The following PRKN variants were observed in gnomAD, a reference collection of about 807,000 sequenced individuals.
PRKN encodes the protein parkin RBR E3 ubiquitin protein ligase.
Under a neutral mutation model 59.5 loss-of-function variants are expected in PRKN, and 56 were observed. The ratio of observed to expected loss-of-function variants is 0.94; its 90% CI spans 0.76 to 1.18. PRKN has a LOEUF of 1.18. Ranked by LOEUF, PRKN falls within the 50% of genes most tolerant of loss-of-function variation. The pLI is 0.00. For missense variants in PRKN, 657 were observed against 596.4 expected (o/e 1.10, Z -1.06); for synonymous variants, 250 against 222.1 (o/e 1.13, Z -1.12).
intron 1 of PRKN, among the ~76,000 whole-genome samples, chr6:162,445,655 G>GCACTCAGT (rs1790274654): frequency 8.6e-6 from 1 of 116,530 alleles, no homozygotes; most frequent in African/African-American, 3.3e-5. Context: ...TTGTGCCATT[G>GCACTCAGT]CACTCAGTCA....
intron 2 of PRKN, among the ~76,000 whole-genome samples, chr6:162,396,024 A>G (rs1787457963): frequency 6.6e-6 from 1 of 152,194 alleles, no homozygotes; most frequent in African/African-American, 2.4e-5. Context: ...TATGTCATTC[A>G]TATGTGAATA....
At chr6:161,712,759 C>A (rs1786802472) in intron 7 of PRKN, among the ~76,000 whole-genome samples, 1 of 152,146 alleles carries the variant, frequency 6.6e-6, no homozygotes, top group Non-Finnish European at 1.5e-5. Flanking sequence ...TCTCCCCAAT[C>A]TCCACCATAT....
At chr6:162,633,116 A>G (rs1777572643) in intron 1 of PRKN, among the ~76,000 whole-genome samples, 1 of 151,986 alleles carries the variant, frequency 6.6e-6, no homozygotes, top group Admixed American at 6.6e-5. Context: ...GATGAGCTAT[A>G]AAATCACCAG....
intron 2 of PRKN, among the ~76,000 whole-genome samples, chr6:162,369,135 C>T (rs1785612952): frequency 6.6e-6 from 1 of 152,062 alleles, no homozygotes; most frequent in African/African-American, 2.4e-5. Context: ...ATGAAGTTCC[C>T]TTATACTTCA....
chr6:161,626,125 G>A (rs1029869166), intron 7 of PRKN, among the ~76,000 whole-genome samples: 1 of 152,210 alleles, frequency 6.6e-6, no homozygotes, highest in African/African-American at 2.4e-5. Context: ...GCGGTTCACT[G>A]TGTATTCCTC....
chr6:161,860,814 C>G (rs779998255), intron 6 of PRKN, among the ~76,000 whole-genome samples: 21 of 152,260 alleles, frequency 1.4e-4, no homozygotes, highest in Non-Finnish European at 2.2e-4. Context: ...ATGTGACCAA[C>G]AAACGTATAA....
intron 7 of PRKN, among the ~76,000 whole-genome samples, chr6:161,681,512 A>G (rs1478329312): frequency 6.6e-6 from 1 of 152,030 alleles, no homozygotes; most frequent in African/African-American, 2.4e-5. Flanking sequence ...CTTCATTTCA[A>G]TGGTTACAAG....
chr6:162,564,579 TAAAG>T (rs1333433567), intron 1 of PRKN, among the ~76,000 whole-genome samples: 1 of 151,678 alleles, frequency 6.6e-6, no homozygotes, highest in Non-Finnish European at 1.5e-5. Context: ...AGGTCAAGGA[TAAAG>T]AAAGGATCCT....
intron 1 of PRKN, among the ~76,000 whole-genome samples, chr6:162,537,622 C>A (rs959183951): frequency 6.6e-6 from 1 of 152,152 alleles, no homozygotes; most frequent in Non-Finnish European, 1.5e-5. Context: ...TCTCCATGTT[C>A]CCCTTTCTGG....
rs1279180325 is a variant in PRKN at position 161,461,782 on chromosome 6, G to A, written c.1084-74905C>T. Among the ~76,000 whole-genome samples the A allele has an allele frequency of 2.6e-5, 4 of 152,146 alleles. No homozygotes were observed. The highest frequency in any genetic ancestry group is 7.2e-5 in the African/African-American group (3 of 41,428). ...ATGCTTATGAAAATTCCAAATGGAGGTATCCAGTAGGCAATGTGAAGTATA... is the reference window on the plus strand; with the variant it reads ...ATGCTTATGAAAATTCCAAATGGAGATATCCAGTAGGCAATGTGAAGTATA... On this transcript the variant is annotated intron_variant, in intron 9 of 11. Coordinates refer to ENST00000366898, the MANE Select transcript of PRKN (RefSeq NM_004562.3). The surrounding 1 kb of genome is among the most constrained non-coding windows in gnomAD (Gnocchi z 5.1).
chr6:161,968,284 A>G (rs1789999), intron 6 of PRKN, among the ~76,000 whole-genome samples: 72,623 of 147,982 alleles, frequency 0.49, 17,648 homozygotes, highest in Middle Eastern at 0.61. Context: ...AGTGATCTGC[A>G]CACCTCAGCC....
intron 2 of PRKN, among the ~76,000 whole-genome samples, chr6:162,442,292 C>G (rs956060076): frequency 6.6e-6 from 1 of 152,172 alleles, no homozygotes; most frequent in Non-Finnish European, 1.5e-5. Flanking sequence ...CAGGAGCCCC[C>G]CTGCGCGGAG....
intron 9 of PRKN, among the ~76,000 whole-genome samples, chr6:161,523,526 T>C (rs1778913296): frequency 6.6e-6 from 1 of 152,242 alleles, no homozygotes; most frequent in Non-Finnish European, 1.5e-5. Context: ...CATGGTGTCA[T>C]TTTGCATTAG....
chr6:162,384,928 G>T (rs778145620), intron 2 of PRKN, among the ~76,000 whole-genome samples: 86 of 152,002 alleles, frequency 5.7e-4, no homozygotes, highest in Admixed American at 2.0e-3. Context: ...AAAATACCCT[G>T]CCTTCCCCTC....
intron 4 of PRKN, among the ~76,000 whole-genome samples, chr6:162,167,672 G>T (rs1783054079): frequency 6.7e-6 from 1 of 149,840 alleles, no homozygotes; most frequent in Non-Finnish European, 1.5e-5. Flanking sequence ...ACTTCACAAA[G>T]TAATGAAAAA....
At chr6:162,317,858 G>A (rs189237701) in intron 2 of PRKN, among the ~76,000 whole-genome samples, 1 of 151,998 alleles carries the variant, frequency 6.6e-6, no homozygotes, top group African/African-American at 2.4e-5. Context: ...GCTACATTCA[G>A]TTCAGTAATT....
At chr6:161,903,223 T>G (rs764995356) in intron 6 of PRKN, among the ~76,000 whole-genome samples, 9 of 124,360 alleles carry the variant, frequency 7.2e-5, no homozygotes, top group African/African-American at 1.1e-4. Flanking sequence ...CAACTGTGTC[T>G]TTCCTTCCCA....
At chr6:162,371,508 G>A (rs562369794) in intron 2 of PRKN, among the ~76,000 whole-genome samples, 33 of 152,198 alleles carry the variant, frequency 2.2e-4, no homozygotes, top group Non-Finnish European at 3.5e-4. Context: ...CTAAATACAA[G>A]TTATTTCATT....
intron 7 of PRKN, among the ~76,000 whole-genome samples, chr6:161,636,586 G>A (rs896212139): frequency 6.6e-5 from 10 of 152,158 alleles, no homozygotes; most frequent in African/African-American, 2.4e-4. Flanking sequence ...AGAGCCACTT[G>A]CTCCTGTTTC....
Sources: gnomAD v4.1 joint callset for allele counts (sites outside exome capture counted in the v4.1 genomes callset) on GRCh38, gnomAD v4.1.1 for gene constraint, Gnocchi (gnomAD v3.1) non-coding constraint, MANE v1.5 for transcripts, NCBI Gene and HGNC (gene_info 2026-07-23, HGNC 2026-07-21) for gene names.